KCTD3: variants seen among roughly 807,000 people sequenced by gnomAD.
The protein encoded by KCTD3 is potassium channel tetramerization domain containing 3, also known as BTB/POZ domain-containing protein KCTD3.
In KCTD3, 41 loss-of-function variants were observed where a neutral mutation model predicts 85.8. The ratio of observed to expected loss-of-function variants is 0.48; its 90% confidence interval spans 0.37 to 0.62. The LOEUF is 0.62. Ranked by LOEUF, KCTD3 falls within the 20% of genes least tolerant of loss-of-function variation. The pLI, the probability that KCTD3 is intolerant of heterozygous loss-of-function variation, is 0.00. For missense variants in KCTD3, 724 were observed against 989.9 expected (o/e 0.73, Z 3.60); for synonymous variants, 338 against 345.4 (o/e 0.98, Z 0.24).
chr1:215,589,928 A>T (rs1266204190), intron 9 of KCTD3, among the ~76,000 whole-genome samples: 1 of 152,212 alleles, frequency 6.6e-6, no homozygotes, highest in Non-Finnish European at 1.5e-5. Context: ...TTCTGTGGAC[A>T]TTTACTTTCT....
chr1:215,619,959 G>A (rs559732052), intron 17 of KCTD3, 98 bp from the exon 18 acceptor site: 615 of 773,734 alleles, frequency 7.9e-4, no homozygotes, highest in Non-Finnish European at 1.0e-3. Flanking sequence ...TACACTTTAT[G>A]TATTTATATA....
chr1:215,591,601 C>T (rs372043006), intron 9 of KCTD3, among the ~76,000 whole-genome samples: 4 of 152,230 alleles, frequency 2.6e-5, no homozygotes, highest in East Asian at 1.9e-4. Context: ...GTAATCCGCC[C>T]GCCTCAGCCT....
rs113533098 is a variant in KCTD3 at position 215,614,326 on chromosome 1, C to T, written c.1562+2405C>T. On this transcript the variant is annotated intron_variant, in intron 15 of 17. Coordinates refer to ENST00000259154, the MANE Select transcript of KCTD3 (RefSeq NM_016121.5). ...GATTACAGGCGTGAGCCACTGCATC[C>T]GGCCTAGAAATAGTTTTTTCTAATT... 3.6e-3 allele frequency among the ~76,000 whole-genome samples: 553 copies of T among 152,126 alleles called. 4 individuals carry two copies. Among genetic ancestry groups the T allele is most frequent in the African/African-American group, 0.013 (529 of 41,508 alleles).
Position 215,619,245 on chromosome 1 carries a change from G to A in KCTD3, c.1840G>A (p.Ala614Thr), listed in dbSNP as rs1262521345. 1 of 1,613,876 alleles carries A rather than the reference G, an allele frequency of 6.2e-7. No individual in the cohort carries two copies. The highest frequency in any genetic ancestry group is 8.5e-7 in the Non-Finnish European group (1 of 1,179,818). The change falls in exon 17 of 18, where the codon GCA becomes ACA. Residue 614 changes from alanine (A) to threonine (T), a missense_variant. By Grantham distance (58) the Ala-to-Thr change is moderately conservative. Transcript: ENST00000259154. The stretch of plus-strand genomic sequence containing the variant: ...CTGTGCTACTCCTAACATCAGTCCA[G>A]CAACTTCCGTAGTTCAGCATAGCCA... The part of the protein sequence containing the change: ...SRCATPNISP[A>T]TSVVQHSHLR...
chr1:215,609,876 T>C (rs1372856288), intron 14 of KCTD3, among the ~76,000 whole-genome samples: 1 of 151,988 alleles, frequency 6.6e-6, no homozygotes, highest in Non-Finnish European at 1.5e-5. Context: ...TATGAAGATA[T>C]ACCTGGTTTC....
chr1:215,618,289 A>G (rs898683204), intron 15 of KCTD3: 3 of 201,426 alleles, frequency 1.5e-5, no homozygotes, highest in Non-Finnish European at 3.3e-5. Context: ...ACATGTGGGC[A>G]TGTAGGAATT....
chr1:215,578,134 T>A, intron 6 of KCTD3, 53 bp downstream of exon 6: 6 of 1,456,216 alleles, frequency 4.1e-6, no homozygotes, highest in Non-Finnish European at 5.7e-6. Context: ...ATTAAGCAAG[T>A]ACAAGCATAT....
Position 215,580,007 on chromosome 1 carries a change from A to G in KCTD3, c.626+8A>G. 3 of 1,535,686 alleles carry G rather than the reference A, an allele frequency of 2.0e-6. No homozygotes were observed. Among genetic ancestry groups the G allele is most frequent in the Non-Finnish European group, 2.7e-6 (3 of 1,109,898 alleles). On this transcript the variant is annotated splice_region_variant and intron_variant, in intron 8 of 17. Coordinates refer to ENST00000259154, the MANE Select transcript of KCTD3 (RefSeq NM_016121.5). ...TTTTGCTGTGTGTTACAGGTAGTGT[A>G]TAATTAATAATGCTTTGCTTTTACA...
intron 15 of KCTD3, among the ~76,000 whole-genome samples, chr1:215,614,033 T>TG (rs1558245496): frequency 2.2e-5 from 3 of 138,526 alleles, no homozygotes; most frequent in African/African-American, 8.3e-5. Flanking sequence ...TTTTTTTTTT[T>TG]TTTTTTTTTT....
chr1:215,578,486 A>C (rs1659674358), intron 6 of KCTD3, among the ~76,000 whole-genome samples: 1 of 152,192 alleles, frequency 6.6e-6, no homozygotes, highest in Non-Finnish European at 1.5e-5. Context: ...TGCAAAATTT[A>C]AGGAATTCTG....
At chr1:215,612,416 A>G (rs1166545847) in intron 15 of KCTD3, among the ~76,000 whole-genome samples, 1 of 150,790 alleles carries the variant, frequency 6.6e-6, no homozygotes, top group African/African-American at 2.4e-5. Context: ...TTTTTTTTCT[A>G]TTTTAGACCT....
chr1:215,594,457 G>T (rs1660336412), intron 9 of KCTD3, among the ~76,000 whole-genome samples: 1 of 152,132 alleles, frequency 6.6e-6, no homozygotes. Context: ...TCTTCTGTTT[G>T]CTCTGATTCC....
intron 9 of KCTD3, among the ~76,000 whole-genome samples, chr1:215,591,020 A>G (rs1018563418): frequency 2.0e-5 from 3 of 151,936 alleles, no homozygotes; most frequent in African/African-American, 4.8e-5. Context: ...TTCTAGCTTT[A>G]TTTGTAATTT....
chr1:215,568,067 A>G (rs1003718077), intron 1 of KCTD3, among the ~76,000 whole-genome samples: 6 of 152,206 alleles, frequency 3.9e-5, no homozygotes, highest in African/African-American at 1.4e-4. Context: ...AAGGAGAACC[A>G]TTACACAGCC....
Position 215,567,451 on chromosome 1 carries a change from A to C in KCTD3, c.-235A>C. ...GCGGCCCGGCGGCCTGGAGGCCGCG[A>C]AAGGTGGAGGCCGGGCCGCCCTTGT... On this transcript the variant is annotated 5_prime_UTR_variant, in exon 1 of 18. Transcript: ENST00000259154. 4.0e-5 allele frequency: 9 copies of C among 226,096 alleles called. No homozygotes were observed. The highest frequency in any genetic ancestry group is 9.8e-5 in the East Asian group (1 of 10,210). 14.0% of individuals were successfully genotyped at this position (226,096 alleles called of 1,614,324 possible).
At chr1:215,590,442 T>TC (rs1357790268) in intron 9 of KCTD3, among the ~76,000 whole-genome samples, 3 of 152,194 alleles carry the variant, frequency 2.0e-5, no homozygotes, top group Non-Finnish European at 4.4e-5. Context: ...TCCTCTTTTC[T>TC]CCATCTCTCC....
At chr1:215,568,855 C>T (rs1659255303) in intron 1 of KCTD3, among the ~76,000 whole-genome samples, 3 of 152,018 alleles carry the variant, frequency 2.0e-5, no homozygotes, top group South Asian at 2.1e-4. Context: ...TTTTCCTCTT[C>T]CCCCAAATCA....
chr1:215,611,985 C>A, intron 15 of KCTD3, 64 bp downstream of exon 15: 2 of 1,022,298 alleles, frequency 2.0e-6, no homozygotes, highest in Non-Finnish European at 1.5e-6. Context: ...AAACATATGG[C>A]ATAATTTGAC....
intron 14 of KCTD3, among the ~76,000 whole-genome samples, chr1:215,610,571 C>T (rs542892468): frequency 6.6e-6 from 1 of 152,010 alleles, no homozygotes; most frequent in East Asian, 1.9e-4. Flanking sequence ...CTGAGTTATT[C>T]ATTGTCAATA....
Sources: allele counts gnomAD v4.1 joint callset (sites outside exome capture counted in the v4.1 genomes callset), GRCh38; gene constraint gnomAD v4.1.1; transcripts MANE v1.5; gene names NCBI Gene and HGNC (gene_info 2026-07-23, HGNC 2026-07-21).